Variants in COX5A observed in about 807,000 individuals in gnomAD.
COX5A encodes cytochrome c oxidase subunit 5A, mitochondrial.
Under a neutral mutation model 16.1 loss-of-function variants are expected in COX5A, and 6 were observed. The observed-to-expected ratio is 0.37, with a 90% CI of 0.20 to 0.73. The LOEUF (loss-of-function observed/expected upper bound fraction) is 0.73. COX5A is among the 30% of genes least tolerant of loss of function. The probability of loss-of-function intolerance (pLI) is 0.50; values close to 1 mark genes in which losing one functional copy is unlikely to be tolerated. For synonymous variants in COX5A, 73 were observed against 73.8 expected, an observed-to-expected ratio of 0.99 and a Z score of 0.06; for missense variants, 159 against 194.9, an observed-to-expected ratio of 0.82 and a Z score of 1.10.
At chr15:74,936,276 C>G (rs201715032) in intron 1 of COX5A, among the ~76,000 whole-genome samples, 1 of 145,516 alleles carries the variant, frequency 6.9e-6, no homozygotes, top group Non-Finnish European at 1.5e-5. Flanking sequence ...CAAGAAAAAA[C>G]AAAACAAAAC....
chr15:74,936,271 AAAAACAAAAC>A (rs538327866), intron 1 of COX5A, among the ~76,000 whole-genome samples: 21 of 151,838 alleles, frequency 1.4e-4, no homozygotes, highest in South Asian at 6.2e-4. Context: ...TGTCTCAAGA[AAAAACAAAAC>A]AAAACAAAAC....
chr15:74,928,222 T>C (rs1255341310), intron 2 of COX5A, among the ~76,000 whole-genome samples: 1 of 152,208 alleles, frequency 6.6e-6, no homozygotes, highest in African/African-American at 2.4e-5. Context: ...TAAATTACCC[T>C]ACACCTAATT....
intron 4 of COX5A, among the ~76,000 whole-genome samples, chr15:74,921,817 C>G (rs1595860249): frequency 6.6e-6 from 1 of 152,156 alleles, no homozygotes; most frequent in Non-Finnish European, 1.5e-5. Context: ...TAAGTACTCA[C>G]AGAAGTCAAA....
At chr15:74,922,340 A>AC (rs1417893940) in intron 4 of COX5A, among the ~76,000 whole-genome samples, 1 of 151,472 alleles carries the variant, frequency 6.6e-6, no homozygotes, top group Non-Finnish European at 1.5e-5. Flanking sequence ...AGCCGAGATC[A>AC]TGCCATTGCA....
chr15:74,929,096 T>C lies in COX5A; in HGVS notation c.217+20A>G. 1 of 1,510,784 alleles carries C rather than the reference T, an allele frequency of 6.6e-7. No homozygotes were observed. Among genetic ancestry groups the C allele is most frequent in the Non-Finnish European group, 9.2e-7 (1 of 1,086,398 alleles). 93.6% of individuals were successfully genotyped at this position (1,510,784 alleles called of 1,614,324 possible). On this transcript the variant is annotated intron_variant, in intron 2 of 4. Coordinates refer to ENST00000322347, the MANE Select transcript of COX5A (RefSeq NM_004255.4). ...ATATTTACACACCAAAATAGACAAATATGTTTATGTTCCAATTACCTTTAC... is the reference window on the plus strand; with the variant it reads ...ATATTTACACACCAAAATAGACAAACATGTTTATGTTCCAATTACCTTTAC...
At chr15:74,922,794 T>C (rs936002784) in intron 4 of COX5A, among the ~76,000 whole-genome samples, 191 of 151,364 alleles carry the variant, frequency 1.3e-3, no homozygotes, top group African/African-American at 4.6e-3. Context: ...GCCTCCCGAG[T>C]AGCTGGGACT....
chr15:74,937,861 C>A, intron 1 of COX5A, 54 bp downstream of exon 1: 1 of 1,101,286 alleles, frequency 9.1e-7, no homozygotes, highest in Non-Finnish European at 1.2e-6. Context: ...GCAGCGGGGA[C>A]CCAGGTCACC....
At chr15:74,925,452 C>G (rs1326870098) in intron 3 of COX5A, among the ~76,000 whole-genome samples, 2 of 150,140 alleles carry the variant, frequency 1.3e-5, no homozygotes, top group African/African-American at 2.4e-5. Context: ...GCAATGGTGC[C>G]ATCTTGGCTC....
At position 74,938,034 on chromosome 15, in the gene COX5A, G is replaced by A. The variant is rs1595864492; in HGVS notation, c.-20C>T. 8 of 1,226,504 alleles carry A rather than the reference G, an allele frequency of 6.5e-6. No individual in the cohort carries two copies. The highest frequency in any genetic ancestry group is 8.1e-6 in the Non-Finnish European group (8 of 983,962). 76.0% of individuals were successfully genotyped at this position (1,226,504 alleles called of 1,614,324 possible). A position where few individuals can be genotyped will look rare whatever the true frequency, so the allele number is the denominator to read the frequency against. ...CAGCATGACGGCGATGGCGGCGCGC[G>A]GGCTGAGGACAGAGAGAAGCCGGTG... On this transcript the variant is annotated 5_prime_UTR_variant, in exon 1 of 5. Coordinates refer to ENST00000322347, the MANE Select transcript of COX5A (RefSeq NM_004255.4).
Position 74,938,051 on chromosome 15 carries a change from A to T in COX5A, c.-37T>A. The T allele has an allele frequency of 3.4e-6, 4 of 1,193,710 alleles. No individual in the cohort carries two copies. The highest frequency in any genetic ancestry group is 4.2e-6 in the Non-Finnish European group (4 of 954,930). 73.9% of individuals were successfully genotyped at this position (1,193,710 alleles called of 1,614,324 possible). A position where few individuals can be genotyped will look rare whatever the true frequency, so the allele number is the denominator to read the frequency against. On this transcript the variant is annotated 5_prime_UTR_variant, in exon 1 of 5. Coordinates refer to ENST00000322347, the MANE Select transcript of COX5A (RefSeq NM_004255.4). ...CGGCGCGCGGGCTGAGGACAGAGAG[A>T]AGCCGGTGTAAGCTCGCGGGTTGCT...
chr15:74,926,862 A>G lies in COX5A; in HGVS notation c.243T>C (p.Asp81=). 1 of 1,613,694 alleles carries G rather than the reference A, an allele frequency of 6.2e-7. No homozygotes were observed. The highest frequency in any genetic ancestry group is 2.2e-5 in the East Asian group (1 of 44,870). The change falls in exon 3 of 5, where the codon GAT becomes GAC. Residue 81 remains aspartate, a synonymous_variant. Coordinates refer to ENST00000322347, the MANE Select transcript of COX5A (RefSeq NM_004255.4). ...RKGINTLVTY[D]MVPEPKIIDA... is the part of the protein sequence containing the mutation. Reference sequence around the variant, plus strand: ...CAATGATTTTGGGCTCTGGAACCATATCATAGGTAACAAGTGTGTTTATCC... The same window carrying G: ...CAATGATTTTGGGCTCTGGAACCATGTCATAGGTAACAAGTGTGTTTATCC...
At chr15:74,924,310 G>A (rs560765524) in intron 3 of COX5A, among the ~76,000 whole-genome samples, 18 of 152,018 alleles carry the variant, frequency 1.2e-4, no homozygotes, top group African/African-American at 7.2e-5. Context: ...AGGCCAAGGC[G>A]GGTGGATCAC....
chr15:74,930,267 A>G (rs189103544), intron 1 of COX5A, among the ~76,000 whole-genome samples: 110 of 151,496 alleles, frequency 7.3e-4, no homozygotes, highest in African/African-American at 2.6e-3. Context: ...AAAGTATAAA[A>G]ATTAGCTGGG....
intron 1 of COX5A, among the ~76,000 whole-genome samples, chr15:74,930,196 G>A (rs2141273004): frequency 6.6e-6 from 1 of 152,166 alleles, no homozygotes; most frequent in Non-Finnish European, 1.5e-5. Flanking sequence ...GAGGCGGGTG[G>A]ATCAAGAGGT....
chr15:74,937,706 C>A (rs2065398023), intron 1 of COX5A: 1 of 366,958 alleles, frequency 2.7e-6, no homozygotes, highest in Non-Finnish European at 4.9e-6. Context: ...GGTGGCACAG[C>A]CAGGAAGTTG....
chr15:74,929,747 C>A (rs1008740602), intron 1 of COX5A, among the ~76,000 whole-genome samples: 2 of 152,118 alleles, frequency 1.3e-5, no homozygotes, highest in Non-Finnish European at 2.9e-5. Context: ...ATAGCCATTG[C>A]ATTCCAGCCT....
chr15:74,937,859 G>T, intron 1 of COX5A, 56 bp downstream of exon 1: 1 of 1,075,886 alleles, frequency 9.3e-7, no homozygotes, highest in Non-Finnish European at 1.2e-6. Context: ...TGGCAGCGGG[G>T]ACCCAGGTCA....
intron 1 of COX5A, among the ~76,000 whole-genome samples, chr15:74,930,781 G>A (rs2141273317): frequency 6.7e-6 from 1 of 149,876 alleles, no homozygotes; most frequent in East Asian, 2.0e-4. Context: ...ACTTTGGGAG[G>A]CCGAGATGGG....
chr15:74,920,870 C>T (rs1017357257), intron 4 of COX5A, among the ~76,000 whole-genome samples: 8 of 151,778 alleles, frequency 5.3e-5, no homozygotes, highest in South Asian at 2.1e-4. Flanking sequence ...CCCAGCTACT[C>T]GGGAGGCTAA....
Sources: allele counts gnomAD v4.1 joint callset (sites outside exome capture counted in the v4.1 genomes callset), GRCh38; gene constraint gnomAD v4.1.1; transcripts MANE v1.5; gene names NCBI Gene and HGNC (gene_info 2026-07-23, HGNC 2026-07-21).